The following CHODL variants were observed in gnomAD, a reference collection of about 807,000 sequenced individuals.
CHODL encodes chondrolectin.
A neutral mutation model predicts 34.5 loss-of-function variants in CHODL; 29 were observed. That is an observed-to-expected ratio of 0.84 (90% CI 0.63 to 1.15). The LOEUF (loss-of-function observed/expected upper bound fraction) is 1.15, where lower values mean the gene tolerates loss of function less well. Among genes scored for constraint, CHODL ranks in the 50% most tolerant of loss-of-function variants. The probability of loss-of-function intolerance (pLI) is 0.00; values close to 1 mark genes in which losing one functional copy is unlikely to be tolerated. For synonymous variants in CHODL, 125 were observed against 116.1 expected, an observed-to-expected ratio of 1.08 and a Z score of -0.49; for missense variants, 332 against 332.5, an observed-to-expected ratio of 1.00 and a Z score of 0.01.
intron 5 of CHODL, among the ~76,000 whole-genome samples, chr21:18,265,279 GTA>G (rs201101374): frequency 6.6e-5 from 9 of 136,740 alleles, no homozygotes; most frequent in African/African-American, 2.2e-4. Flanking sequence ...ATATGTGTGT[GTA>G]TATATATACA....
chr21:17,996,875 A>T (rs1287207820), intron 1 of CHODL, among the ~76,000 whole-genome samples: 2 of 152,232 alleles, frequency 1.3e-5, no homozygotes, highest in African/African-American at 4.8e-5. Context: ...TTTTAAATTT[A>T]TATGATTCCT....
Position 18,245,300 on chromosome 21 carries a change from G to A in CHODL, c.77G>A (p.Ser26Asn), listed in dbSNP as rs1234880823. 6.6e-7 allele frequency: 1 copy of A among 1,524,062 alleles called. No individual in the cohort carries two copies. Among genetic ancestry groups the A allele is most frequent in the Non-Finnish European group, 8.8e-7 (1 of 1,141,940 alleles). The allele number at this position is 1,524,062 out of a possible 1,614,324, so 94.4% of individuals were successfully genotyped here. A position where few individuals can be genotyped will look rare whatever the true frequency, so the allele number is the denominator to read the frequency against. Reference protein sequence around the residue: ...GHGAFCRRVVSGQKVCFADFK... With the variant: ...GHGAFCRRVVNGQKVCFADFK... ...GGAGCCTTCTGCCGCCGCGTGGTCA[G>A]CGGTGAGTCAGGGGCCGTCTCCCCG... Residue 26 changes from serine (S) to asparagine (N), a missense_variant and splice_region_variant, in exon 1 of 6, where the codon AGC becomes AAC. Physicochemically the swap from Ser to Asn is conservative, Grantham distance 46. Coordinates refer to ENST00000299295, the MANE Select transcript of CHODL (RefSeq NM_024944.3).
intron 1 of CHODL, among the ~76,000 whole-genome samples, chr21:18,005,384 A>T (rs1248078037): frequency 6.6e-6 from 1 of 152,274 alleles, no homozygotes; most frequent in East Asian, 1.9e-4. Flanking sequence ...TTAATAAAAT[A>T]AAGAGACTTT....
At chr21:17,984,813 T>C (rs1264132696) in intron 1 of CHODL, among the ~76,000 whole-genome samples, 2 of 152,158 alleles carry the variant, frequency 1.3e-5, no homozygotes, top group African/African-American at 2.4e-5. Context: ...GAATATAACT[T>C]TATTTTCAGG....
At chr21:18,149,819 C>T (rs989139668) in intron 2 of CHODL, among the ~76,000 whole-genome samples, 1 of 152,140 alleles carries the variant, frequency 6.6e-6, no homozygotes, top group African/African-American at 2.4e-5. Context: ...TAGCAAACTA[C>T]CGTAGACTGG....
intron 2 of CHODL, among the ~76,000 whole-genome samples, chr21:18,183,574 GTTAC>G (rs1274217073): frequency 6.6e-6 from 1 of 151,952 alleles, no homozygotes; most frequent in Non-Finnish European, 1.5e-5. Context: ...TTGAATTTCT[GTTAC>G]TTATAAGCAA....
chr21:18,117,401 G>T (rs1317363566), intron 2 of CHODL, among the ~76,000 whole-genome samples: 2 of 152,198 alleles, frequency 1.3e-5, no homozygotes, highest in Admixed American at 1.3e-4. Flanking sequence ...GCTAGATGAA[G>T]TGACAGTTCT....
intron 2 of CHODL, among the ~76,000 whole-genome samples, chr21:18,077,142 C>A (rs1263008245): frequency 6.6e-6 from 1 of 152,174 alleles, no homozygotes; most frequent in Non-Finnish European, 1.5e-5. Context: ...TACCTTCAAA[C>A]CCTAAGGCTT....
At chr21:17,931,390 C>A (rs1428277461) in intron 1 of CHODL, among the ~76,000 whole-genome samples, 1 of 152,158 alleles carries the variant, frequency 6.6e-6, no homozygotes, top group Non-Finnish European at 1.5e-5. Flanking sequence ...GTCACACTGT[C>A]ATGGGGAAAA....
chr21:17,982,945 G>C (rs1036988390), intron 1 of CHODL, among the ~76,000 whole-genome samples: 1 of 151,764 alleles, frequency 6.6e-6, no homozygotes, highest in South Asian at 2.1e-4. Flanking sequence ...GGCTGGCCTC[G>C]AACTCCTGAC....
intron 1 of CHODL, among the ~76,000 whole-genome samples, chr21:17,934,879 T>G (rs936569040): frequency 1.3e-5 from 2 of 152,224 alleles, no homozygotes; most frequent in African/African-American, 4.8e-5. Context: ...ATTTCTATTT[T>G]GGGACTGAGA....
At chr21:18,148,884 C>CA (rs11285949) in intron 2 of CHODL, among the ~76,000 whole-genome samples, 69 of 140,010 alleles carry the variant, frequency 4.9e-4, no homozygotes, top group East Asian at 2.2e-3. Flanking sequence ...TATTGGCTGT[C>CA]AAAAAAAAAA....
intron 1 of CHODL, among the ~76,000 whole-genome samples, chr21:18,027,149 C>A (rs2064185246): frequency 6.6e-6 from 1 of 151,984 alleles, no homozygotes; most frequent in Admixed American, 6.6e-5. Context: ...TGGCACATGC[C>A]TCTCATTCTA....
At chr21:18,260,367 C>G in intron 4 of CHODL, 81 bp downstream of exon 4, 4 of 853,054 alleles carry the variant, frequency 4.7e-6, no homozygotes, top group African/African-American at 1.8e-5. Context: ...CCCAGTGAAA[C>G]TTGTCTTGCC....
chr21:18,055,351 A>G (rs1009320309), intron 2 of CHODL, among the ~76,000 whole-genome samples: 1 of 152,032 alleles, frequency 6.6e-6, no homozygotes, highest in Non-Finnish European at 1.5e-5. Flanking sequence ...CTCTCCTGAG[A>G]TTATCAATAT....
intron 1 of CHODL, among the ~76,000 whole-genome samples, chr21:18,247,564 T>C (rs549949096): frequency 6.6e-6 from 1 of 152,240 alleles, no homozygotes; most frequent in South Asian, 2.1e-4. Flanking sequence ...AGAAATGACA[T>C]TTCAAACAAC....
intron 1 of CHODL, among the ~76,000 whole-genome samples, chr21:17,966,733 G>C (rs1242528795): frequency 1.3e-5 from 2 of 152,090 alleles, no homozygotes; most frequent in African/African-American, 4.8e-5. Flanking sequence ...CTTAAAGTAG[G>C]GTGATTCCTT....
chr21:18,169,972 G>A (rs938859143), intron 2 of CHODL, among the ~76,000 whole-genome samples: 14 of 151,852 alleles, frequency 9.2e-5, no homozygotes, highest in Non-Finnish European at 1.9e-4. Flanking sequence ...GGTGTTGTTC[G>A]ATTCTCGCAT....
At chr21:18,193,014 T>C (rs915808310) in intron 2 of CHODL, among the ~76,000 whole-genome samples, 7 of 152,194 alleles carry the variant, frequency 4.6e-5, no homozygotes, top group Admixed American at 3.9e-4. Flanking sequence ...TAGCATCTTG[T>C]ATAGTAGCAA....
Sources: allele counts gnomAD v4.1 joint callset (sites outside exome capture counted in the v4.1 genomes callset), GRCh38; gene constraint gnomAD v4.1.1; transcripts MANE v1.5; gene names NCBI Gene and HGNC (gene_info 2026-07-23, HGNC 2026-07-21).